HIP1: variants seen among roughly 807,000 people sequenced by gnomAD.
The protein encoded by HIP1 is huntingtin interacting protein 1.
Under a neutral mutation model 147.6 loss-of-function variants are expected in HIP1, and 65 were observed. That is an observed-to-expected ratio of 0.44 (90% CI 0.36 to 0.54). HIP1 has a LOEUF of 0.54. Among genes scored for constraint, HIP1 ranks in the 20% least tolerant of loss-of-function variants. HIP1 has a pLI of 0.00. For synonymous variants in HIP1, 479 were observed against 504.0 expected, an observed-to-expected ratio of 0.95 and a Z score of 0.67; for missense variants, 1,061 against 1,299.6, an observed-to-expected ratio of 0.82 and a Z score of 2.82.
At chr7:75,551,185 G>A (rs1051489623) in intron 22 of HIP1, among the ~76,000 whole-genome samples, 42 of 68,230 alleles carry the variant, frequency 6.2e-4, no homozygotes, top group African/African-American at 3.9e-3. Context: ...AGATGTAGAT[G>A]ATAATTTTTT....
intron 1 of HIP1, among the ~76,000 whole-genome samples, chr7:75,673,282 C>G (rs1439179120): frequency 2.0e-5 from 3 of 152,108 alleles, no homozygotes; most frequent in Non-Finnish European, 4.4e-5. Flanking sequence ...CTCGGCCTCC[C>G]AAAGTGCTGG....
At chr7:75,565,666 C>A (rs188250299) in intron 9 of HIP1, among the ~76,000 whole-genome samples, 74 of 152,136 alleles carry the variant, frequency 4.9e-4, no homozygotes, top group African/African-American at 1.7e-3. Context: ...TTCTCAGCCC[C>A]CTCTGTCCTC....
intron 26 of HIP1, 59 bp from the exon 27 acceptor site, chr7:75,544,859 A>T: frequency 1.0e-5 from 11 of 1,094,760 alleles, no homozygotes; most frequent in Non-Finnish European, 1.5e-5. Context: ...ACTCCTCCAC[A>T]ATCCCACCTC....
At chr7:75,602,010 T>C (rs932104521) in intron 1 of HIP1, among the ~76,000 whole-genome samples, 1 of 151,910 alleles carries the variant, frequency 6.6e-6, no homozygotes, top group Non-Finnish European at 1.5e-5. Context: ...TTTTTTTTTT[T>C]TTTCTGTTTA....
At chr7:75,738,739 C>T in intron 1 of HIP1, 62 bp downstream of exon 1, 2 of 1,559,140 alleles carry the variant, frequency 1.3e-6, no homozygotes, top group Non-Finnish European at 1.7e-6. Flanking sequence ...CCTTCAAAGC[C>T]CCTCCCGGAC....
rs1372199499 is a variant in HIP1 at position 75,535,037 on chromosome 7, TTTGA to T, written c.*3131_*3134del. 9.5e-6 allele frequency: 2 copies of T among 209,482 alleles called. No homozygotes were observed. The highest frequency in any genetic ancestry group is 4.5e-5 in the African/African-American group (2 of 44,042). 13.0% of individuals were successfully genotyped at this position (209,482 alleles called of 1,614,324 possible). On this transcript the variant is annotated 3_prime_UTR_variant, in exon 31 of 31. Transcript: ENST00000336926. ...TTTTAGAAGAGTCACAATAGGACAA[TTTGA>T]TTTTGTCTAGAGAATGGGGTAGCCA...
At chr7:75,581,029 A>G (rs898368544) in intron 7 of HIP1, among the ~76,000 whole-genome samples, 16 of 152,184 alleles carry the variant, frequency 1.1e-4, no homozygotes, top group Non-Finnish European at 2.2e-4. Flanking sequence ...GGTGCGAGCC[A>G]CTGCACCCGG....
intron 18 of HIP1, 113 bp from the exon 19 acceptor site, chr7:75,555,664 C>A (rs1554493111): frequency 1.6e-5 from 19 of 1,159,602 alleles, no homozygotes; most frequent in East Asian, 4.9e-5. Flanking sequence ...CAATGAGGTC[C>A]AAGCCAGTAA....
chr7:75,582,198 G>C (rs1554498750), intron 5 of HIP1, 47 bp from the exon 6 acceptor site: 41 of 1,493,744 alleles, frequency 2.7e-5, no homozygotes, highest in Non-Finnish European at 3.6e-5. Flanking sequence ...GACATGAAGA[G>C]CCCTCTCTCA....
At chr7:75,712,890 T>C (rs1200137570) in intron 1 of HIP1, among the ~76,000 whole-genome samples, 1 of 152,244 alleles carries the variant, frequency 6.6e-6, no homozygotes, top group Non-Finnish European at 1.5e-5. Context: ...ACTCATTCAC[T>C]GACTTGCTAA....
At chr7:75,637,222 C>A (rs1228682167) in intron 1 of HIP1, among the ~76,000 whole-genome samples, 1 of 152,206 alleles carries the variant, frequency 6.6e-6, no homozygotes, top group East Asian at 1.9e-4. Flanking sequence ...CTTTACCCAG[C>A]ACTTGCTATA....
intron 1 of HIP1, among the ~76,000 whole-genome samples, chr7:75,702,785 A>G (rs1584963019): frequency 6.6e-6 from 1 of 151,832 alleles, no homozygotes; most frequent in Admixed American, 6.6e-5. Context: ...AAAGAGAGAG[A>G]GGAGCAAACA....
chr7:75,623,585 G>T (rs1459477021), intron 1 of HIP1, among the ~76,000 whole-genome samples: 2 of 152,154 alleles, frequency 1.3e-5, no homozygotes, highest in East Asian at 3.8e-4. Context: ...GCGAGGTCAG[G>T]GCTGAGAGCT....
chr7:75,706,011 A>C (rs911905370), intron 1 of HIP1, among the ~76,000 whole-genome samples: 7 of 152,012 alleles, frequency 4.6e-5, no homozygotes, highest in Admixed American at 2.6e-4. Flanking sequence ...CTCCTGCCTC[A>C]GCCTCCCAAA....
chr7:75,555,530 T>G lies in HIP1; in HGVS notation c.1849A>C (p.Lys617Gln). The G allele has an allele frequency of 6.2e-7, 1 of 1,614,186 alleles. No individual in the cohort carries two copies. Among genetic ancestry groups the G allele is most frequent in the Non-Finnish European group, 8.5e-7 (1 of 1,180,034 alleles). Residue 617 changes from lysine (K) to glutamine (Q), a missense_variant, in exon 19 of 31, where the codon AAA becomes CAA. This residue lies in a region of HIP1 where 810 missense variants were observed against 946.8 expected (regional missense o/e 0.86). Transcript: ENST00000336926. ...STEESMCQLA[K>Q]DQRKMLLVGS... ...ACCAGAAGCATTTTTCGTTGGTCTT[T>G]GGCAAGCTGGCACATAGATTCCTAA...
At chr7:75,637,407 C>T (rs1237802280) in intron 1 of HIP1, among the ~76,000 whole-genome samples, 2 of 152,026 alleles carry the variant, frequency 1.3e-5, no homozygotes, top group South Asian at 2.1e-4. Context: ...AGTAGAGTTT[C>T]GAAGCTTCAG....
Position 75,592,377 on chromosome 7 carries a change from G to A in HIP1, c.322C>T (p.Pro108Ser). The A allele has an allele frequency of 6.2e-7, 1 of 1,605,362 alleles. No individual in the cohort carries two copies. The highest frequency in any genetic ancestry group is 8.5e-7 in the Non-Finnish European group (1 of 1,177,080). ...CCATAGCCCCAGGAACTCACGTTCG[G>A]GTGTCCATCTCGGAGGAGTTTGTGG... ...VFHKLLRDGHPNVLKDSLRYR... is the reference protein window; with the variant it reads ...VFHKLLRDGHSNVLKDSLRYR... The change falls in exon 3 of 31, where the codon CCG becomes TCG. Residue 108 changes from proline to serine, a missense_variant. Pro to Ser is a moderately conservative substitution (Grantham distance 74, BLOSUM62 -1). This residue lies in a region of HIP1 where 225 missense variants were observed against 292.9 expected (regional missense o/e 0.77). Transcript: ENST00000336926.
At chr7:75,680,153 G>A (rs956816688) in intron 1 of HIP1, among the ~76,000 whole-genome samples, 2 of 151,846 alleles carry the variant, frequency 1.3e-5, no homozygotes, top group South Asian at 4.2e-4. Flanking sequence ...AGCAATTCTC[G>A]TGCCTCAGCC....
chr7:75,734,721 C>T (rs933280534), intron 1 of HIP1, among the ~76,000 whole-genome samples: 2 of 152,084 alleles, frequency 1.3e-5, no homozygotes, highest in Non-Finnish European at 2.9e-5. Context: ...TCTCTGTCTA[C>T]CCCAGCCAAT....
Sources: gnomAD v4.1 joint callset for allele counts (sites outside exome capture counted in the v4.1 genomes callset) on GRCh38, gnomAD v4.1.1 for gene constraint, gnomAD v4.1.1 regional missense constraint, MANE v1.5 for transcripts, NCBI Gene and HGNC (gene_info 2026-07-23, HGNC 2026-07-21) for gene names.